The following PPHLN1 variants were observed in gnomAD, a reference collection of about 807,000 sequenced individuals.
PPHLN1 encodes the protein periphilin 1.
In PPHLN1, 29 loss-of-function variants were observed where a neutral mutation model predicts 51.3. That is an observed-to-expected ratio of 0.57 (90% CI 0.42 to 0.77). The LOEUF is 0.77. Among genes scored for constraint, PPHLN1 ranks in the 30% least tolerant of loss-of-function variants. PPHLN1 has a pLI of 0.00. For synonymous variants in PPHLN1, 147 were observed against 147.8 expected (o/e 0.99, Z 0.04); for missense variants, 436 against 438.4 (o/e 0.99, Z 0.05).
chr12:42,383,480 T>G (rs1216591036), intron 5 of PPHLN1, among the ~76,000 whole-genome samples: 1 of 152,176 alleles, frequency 6.6e-6, no homozygotes, highest in African/African-American at 2.4e-5. Flanking sequence ...GGAGGAGGAA[T>G]TTTATGTAAA....
chr12:42,386,703 G>A (rs2077222156), intron 6 of PPHLN1, among the ~76,000 whole-genome samples: 1 of 152,144 alleles, frequency 6.6e-6, no homozygotes, highest in Non-Finnish European at 1.5e-5. Context: ...ATGTTTTTCT[G>A]TAACAGCTCA....
chr12:42,395,630 CA>C (rs201272247), intron 8 of PPHLN1, among the ~76,000 whole-genome samples: 22,906 of 151,960 alleles, frequency 0.15, 1,784 homozygotes, highest in Admixed American at 0.2. Context: ...TCTAATTTGA[CA>C]GAATAGCCTG....
intron 9 of PPHLN1, among the ~76,000 whole-genome samples, chr12:42,412,580 T>A (rs2079971430): frequency 6.6e-6 from 1 of 152,190 alleles, no homozygotes; most frequent in Non-Finnish European, 1.5e-5. Flanking sequence ...TTTTTTTTCC[T>A]TCCGTATTGT....
At chr12:42,382,923 T>TTTTAA (rs1180547441) in intron 5 of PPHLN1, among the ~76,000 whole-genome samples, 2 of 152,194 alleles carry the variant, frequency 1.3e-5, no homozygotes, top group African/African-American at 4.8e-5. Context: ...TTAAGTACAG[T>TTTTAA]GGTGGTGTTT....
intron 9 of PPHLN1, among the ~76,000 whole-genome samples, chr12:42,418,405 T>A (rs2080666664): frequency 6.6e-6 from 1 of 152,086 alleles, no homozygotes; most frequent in Non-Finnish European, 1.5e-5. Context: ...ACGTGTTAAA[T>A]GCAATGGCTT....
chr12:42,381,180 A>G (rs768386907), intron 5 of PPHLN1, among the ~76,000 whole-genome samples: 5 of 152,186 alleles, frequency 3.3e-5, no homozygotes, highest in Non-Finnish European at 5.9e-5. Flanking sequence ...TCTATAACAT[A>G]TTCTTCTTGT....
chr12:42,330,453 T>C (rs909497911), intron 1 of PPHLN1, among the ~76,000 whole-genome samples: 3 of 152,208 alleles, frequency 2.0e-5, no homozygotes, highest in Non-Finnish European at 2.9e-5. Flanking sequence ...TACCCGGCTT[T>C]CCTGGGTAGA....
chr12:42,335,760 ATT>A (rs1324602138), intron 1 of PPHLN1, 121 bp from the exon 2 acceptor site: 149 of 315,894 alleles, frequency 4.7e-4, no homozygotes, highest in Middle Eastern at 6.7e-4. Context: ...GGTCACTTTC[ATT>A]TTTTTTTTTT....
intron 9 of PPHLN1, among the ~76,000 whole-genome samples, chr12:42,407,334 C>T (rs1348179664): frequency 2.0e-5 from 3 of 152,236 alleles, no homozygotes; most frequent in Non-Finnish European, 4.4e-5. Context: ...AGATTGACTT[C>T]TGTGCTCATT....
intron 9 of PPHLN1, among the ~76,000 whole-genome samples, chr12:42,411,037 A>G (rs1324208208): frequency 6.6e-6 from 1 of 152,086 alleles, no homozygotes; most frequent in Non-Finnish European, 1.5e-5. Context: ...ATTTTTCATT[A>G]GAGCTGGAAA....
chr12:42,365,574 C>T (rs977502429), intron 4 of PPHLN1, among the ~76,000 whole-genome samples: 1 of 152,080 alleles, frequency 6.6e-6, no homozygotes. Context: ...AGAATCTGAG[C>T]TTCAAAAATC....
chr12:42,406,087 T>G (rs1262785627), intron 9 of PPHLN1, among the ~76,000 whole-genome samples: 2 of 70,980 alleles, frequency 2.8e-5, no homozygotes, highest in African/African-American at 7.2e-5. Flanking sequence ...TTTAGTCTGG[T>G]TTTTTTTTTT....
intron 2 of PPHLN1, among the ~76,000 whole-genome samples, chr12:42,341,041 C>CATG (rs529012422): frequency 1.4e-4 from 20 of 146,024 alleles, no homozygotes; most frequent in Non-Finnish European, 2.5e-4. Flanking sequence ...AGTGCAGTGG[C>CATG]ATGATCTCAG....
chr12:42,406,022 C>T (rs763014352), intron 9 of PPHLN1, among the ~76,000 whole-genome samples: 8 of 151,914 alleles, frequency 5.3e-5, no homozygotes, highest in African/African-American at 1.4e-4. Flanking sequence ...TTCATCTCCC[C>T]TCCTAACCTT....
chr12:42,443,073 G>A (rs182030564), downstream of PPHLN1: 3 of 206,154 alleles, frequency 1.5e-5, no homozygotes, highest in Non-Finnish European at 9.9e-6. Flanking sequence ...GGCTACTTTG[G>A]CCTTGCTCTA....
chr12:42,405,169 A>T (rs919249352), intron 9 of PPHLN1, among the ~76,000 whole-genome samples: 3 of 152,242 alleles, frequency 2.0e-5, no homozygotes, highest in African/African-American at 7.2e-5. Flanking sequence ...AAAAAGATTA[A>T]TGTTTCCTCC....
At chr12:42,341,095 C>T (rs1279327817) in intron 2 of PPHLN1, among the ~76,000 whole-genome samples, 1 of 151,686 alleles carries the variant, frequency 6.6e-6, no homozygotes, top group East Asian at 1.9e-4. Context: ...ATTCTTGTGC[C>T]TCAGCCTCCC....
chr12:42,351,228 A>G (rs1477307004), intron 2 of PPHLN1: 3 of 152,224 alleles, frequency 2.0e-5, no homozygotes, highest in East Asian at 3.8e-4. Context: ...TATAGCAGCT[A>G]CTAACCTAAG....
chr12:42,370,720 A>G (rs1415439991), intron 4 of PPHLN1, among the ~76,000 whole-genome samples: 3 of 152,204 alleles, frequency 2.0e-5, no homozygotes, highest in Non-Finnish European at 4.4e-5. Flanking sequence ...TTTGGAAGAA[A>G]AGTTACAGCT....
Sources: allele counts gnomAD v4.1 joint callset (sites outside exome capture counted in the v4.1 genomes callset), GRCh38; gene constraint gnomAD v4.1.1; transcripts MANE v1.5; gene names NCBI Gene and HGNC (gene_info 2026-07-23, HGNC 2026-07-21).